CAMKMT: variants seen among roughly 807,000 people sequenced by gnomAD.
CAMKMT encodes the protein CaM KMT.
Under a neutral mutation model 48.0 loss-of-function variants are expected in CAMKMT, and 53 were observed. That is an observed-to-expected ratio of 1.10 (90% confidence interval 0.89 to 1.39). The LOEUF (loss-of-function observed/expected upper bound fraction) is 1.39, where lower values mean the gene tolerates loss of function less well. Ranked by LOEUF, CAMKMT falls within the 40% of genes most tolerant of loss-of-function variation. The pLI is 0.00. For synonymous variants in CAMKMT, 165 were observed against 152.3 expected, an observed-to-expected ratio of 1.08 and a Z score of -0.61; for missense variants, 428 against 402.7, an observed-to-expected ratio of 1.06 and a Z score of -0.54.
intron 3 of CAMKMT, among the ~76,000 whole-genome samples, chr2:44,441,457 G>A (rs775545173): frequency 2.0e-5 from 3 of 152,086 alleles, no homozygotes; most frequent in Non-Finnish European, 1.5e-5. Flanking sequence ...GACTCTATCT[G>A]CTTTCTCTCA....
Position 44,503,397 on chromosome 2 carries a change from C to A in CAMKMT, c.376+113092C>A, listed in dbSNP as rs1295561297. ...GATGGTCTATTGGGAAATCAGATAA[C>A]CACATATGACACACTCTATCAGCAA... is the stretch of plus-strand genomic sequence containing the variant. On this transcript the variant is annotated intron_variant, in intron 3 of 10. Transcript: ENST00000378494. Among the ~76,000 whole-genome samples, 4 of 152,238 alleles carry A rather than the reference C, an allele frequency of 2.6e-5. No homozygotes were observed. The East Asian group carries it at 7.7e-4, about 29-fold the overall frequency.
chr2:44,723,651 AATAAAAT>A (rs1287614353), intron 7 of CAMKMT: 2 of 148,994 alleles, frequency 1.3e-5, no homozygotes, highest in African/African-American at 2.5e-5. Context: ...TAAATAAATA[AATAAAAT>A]AATAAAGTTG....
intron 3 of CAMKMT, among the ~76,000 whole-genome samples, chr2:44,533,002 C>T (rs568657863): frequency 9.3e-5 from 14 of 151,174 alleles, no homozygotes; most frequent in Non-Finnish European, 1.8e-4. Flanking sequence ...TTAGTAGAGA[C>T]GGGGTTTCGT....
rs111464056 is a variant in CAMKMT at position 44,565,407 on chromosome 2, C to T, written c.377-138876C>T. Reference sequence around the variant, plus strand: ...GTAAAGTCACTTGACTTCTCTGGTTCTCCATCTCTCCTTTTGAAAAATGAA... The same window carrying T: ...GTAAAGTCACTTGACTTCTCTGGTTTTCCATCTCTCCTTTTGAAAAATGAA... On this transcript the variant is annotated intron_variant, in intron 3 of 10. Coordinates refer to ENST00000378494, the MANE Select transcript of CAMKMT (RefSeq NM_024766.5). Among the ~76,000 whole-genome samples the T allele has an allele frequency of 2.1e-3, 319 of 152,280 alleles. 1 individual carries two copies. The Middle Eastern group carries it at 0.027, about 13-fold the overall frequency.
intron 3 of CAMKMT, among the ~76,000 whole-genome samples, chr2:44,488,270 G>A (rs757794535): frequency 5.3e-5 from 8 of 152,092 alleles, no homozygotes; most frequent in East Asian, 1.9e-4. Flanking sequence ...AGGCCAAGGC[G>A]GGTGGATCAC....
intron 3 of CAMKMT, among the ~76,000 whole-genome samples, chr2:44,672,785 A>T (rs968754697): frequency 1.2e-4 from 18 of 152,346 alleles, no homozygotes; most frequent in African/African-American, 4.3e-4. Flanking sequence ...AAGTACTGTA[A>T]GATGTACAAG....
chr2:44,525,083 G>C (rs1671333235), intron 3 of CAMKMT, among the ~76,000 whole-genome samples: 1 of 152,008 alleles, frequency 6.6e-6, no homozygotes, highest in African/African-American at 2.4e-5. Flanking sequence ...GCACACGTTA[G>C]TAGTTATAGT....
chr2:44,500,502 G>GA (rs994059156), intron 3 of CAMKMT, among the ~76,000 whole-genome samples: 6 of 151,436 alleles, frequency 4.0e-5, no homozygotes, highest in Non-Finnish European at 4.4e-5. Context: ...ATTATTGTAG[G>GA]AAAAAAACAA....
chr2:44,485,434 T>A (rs1266355504), intron 3 of CAMKMT, among the ~76,000 whole-genome samples: 1 of 152,200 alleles, frequency 6.6e-6, no homozygotes, highest in Non-Finnish European at 1.5e-5. Flanking sequence ...GAGCAAAAGA[T>A]GACAGACTCA....
chr2:44,378,669 T>C (rs1679940159), intron 2 of CAMKMT, among the ~76,000 whole-genome samples: 1 of 152,276 alleles, frequency 6.6e-6, no homozygotes, highest in Non-Finnish European at 1.5e-5. Context: ...AATTTTTGTA[T>C]TTTTAGTAGA....
chr2:44,510,490 G>A (rs1458900013), intron 3 of CAMKMT, among the ~76,000 whole-genome samples: 1 of 152,030 alleles, frequency 6.6e-6, no homozygotes, highest in Non-Finnish European at 1.5e-5. Context: ...CTGAAGTGGT[G>A]GATCCTAGGA....
intron 3 of CAMKMT, among the ~76,000 whole-genome samples, chr2:44,634,146 C>T (rs577182095): frequency 2.6e-5 from 4 of 152,222 alleles, no homozygotes; most frequent in Admixed American, 6.5e-5. Flanking sequence ...CTGCAACACA[C>T]AGCTTAGTGC....
rs78343574 is a variant in CAMKMT at position 44,571,912 on chromosome 2, C to G, written c.377-132371C>G. On this transcript the variant is annotated intron_variant, in intron 3 of 10. Coordinates refer to ENST00000378494, the MANE Select transcript of CAMKMT (RefSeq NM_024766.5). The stretch of plus-strand genomic sequence containing the variant: ...ATATTAACATATGAAATAACAAATT[C>G]GAACACTGACACATCACTCATTTGT... Among the ~76,000 whole-genome samples, 1,169 of 152,292 alleles carry G rather than the reference C, an allele frequency of 7.7e-3. 17 individuals are homozygous for G. Among genetic ancestry groups the G allele is most frequent in the African/African-American group, 0.027 (1,107 of 41,556 alleles).
intron 3 of CAMKMT, among the ~76,000 whole-genome samples, chr2:44,699,659 T>G (rs1677152228): frequency 6.6e-6 from 1 of 152,114 alleles, no homozygotes; most frequent in Middle Eastern, 3.2e-3. Flanking sequence ...GCAGTGGCTA[T>G]TCACATATTC....
chr2:44,672,231 A>C (rs1675371866), intron 3 of CAMKMT, among the ~76,000 whole-genome samples: 1 of 152,188 alleles, frequency 6.6e-6, no homozygotes, highest in South Asian at 2.1e-4. Context: ...CATGCAGACT[A>C]GCAAGGAGGT....
chr2:44,607,730 G>A (rs1427764161), intron 3 of CAMKMT, among the ~76,000 whole-genome samples: 3 of 152,050 alleles, frequency 2.0e-5, no homozygotes, highest in East Asian at 3.9e-4. Flanking sequence ...AATGAAGTCT[G>A]TATTTCTGCA....
intron 9 of CAMKMT, among the ~76,000 whole-genome samples, chr2:44,763,637 G>A (rs1050755905): frequency 5.9e-5 from 9 of 152,202 alleles, no homozygotes; most frequent in African/African-American, 2.2e-4. Flanking sequence ...TAAGCCCGGC[G>A]AGGGACTGGA....
chr2:44,409,202 C>A, intron 3 of CAMKMT, among the ~76,000 whole-genome samples: 2 of 128,756 alleles, frequency 1.6e-5, no homozygotes, highest in South Asian at 2.6e-4. Context: ...TACATAAAGA[C>A]AACTAGCCAA....
intron 3 of CAMKMT, among the ~76,000 whole-genome samples, chr2:44,703,962 CAAGATG>C (rs1187466876): frequency 6.6e-6 from 1 of 151,968 alleles, no homozygotes; most frequent in Admixed American, 6.6e-5. Context: ...TTTATGTGCA[CAAGATG>C]AAGATCTATG....
Sources: allele counts gnomAD v4.1 joint callset (sites outside exome capture counted in the v4.1 genomes callset), GRCh38; gene constraint gnomAD v4.1.1; transcripts MANE v1.5; gene names NCBI Gene and HGNC (gene_info 2026-07-23, HGNC 2026-07-21).